Variants in EPHA3 observed in about 807,000 individuals in gnomAD.
EPHA3 encodes ephrin type-A receptor 3.
A neutral mutation model predicts 107.1 loss-of-function variants in EPHA3; 42 were observed. That is an observed-to-expected ratio of 0.39 (90% confidence interval 0.31 to 0.51). The LOEUF (loss-of-function observed/expected upper bound fraction) is 0.51. Ranked by LOEUF, EPHA3 falls within the 20% of genes least tolerant of loss-of-function variation. The probability of loss-of-function intolerance (pLI) is 0.78; values close to 1 mark genes in which losing one functional copy is unlikely to be tolerated. For synonymous variants in EPHA3, 461 were observed against 424.8 expected (o/e 1.09, Z -1.05); for missense variants, 1,183 against 1,211.2 (o/e 0.98, Z 0.35).
chr3:89,140,892 G>C (rs1704417111), intron 2 of EPHA3, among the ~76,000 whole-genome samples: 1 of 151,610 alleles, frequency 6.6e-6, no homozygotes, highest in African/African-American at 2.4e-5. Flanking sequence ...GTTGGCAGTA[G>C]AGATGCAAAC....
At chr3:89,211,188 A>T (rs1168142937) in intron 3 of EPHA3, among the ~76,000 whole-genome samples, 1 of 152,062 alleles carries the variant, frequency 6.6e-6, no homozygotes, top group East Asian at 1.9e-4. Context: ...TGCATATTTG[A>T]TATTAATATA....
At chr3:89,318,265 C>T (rs1220331625) in intron 3 of EPHA3, among the ~76,000 whole-genome samples, 2 of 151,840 alleles carry the variant, frequency 1.3e-5, no homozygotes, top group Admixed American at 1.3e-4. Context: ...ATGCTTTCTG[C>T]AGTGAAAAGA....
chr3:89,360,947 T>C (rs1421245181), intron 5 of EPHA3, among the ~76,000 whole-genome samples: 2 of 150,940 alleles, frequency 1.3e-5, no homozygotes, highest in Non-Finnish European at 3.0e-5. Context: ...TATGAACAGA[T>C]AGGTTTGTTT....
intron 13 of EPHA3, among the ~76,000 whole-genome samples, chr3:89,445,764 A>G (rs748514215): frequency 6.6e-6 from 1 of 152,234 alleles, no homozygotes; most frequent in Non-Finnish European, 1.5e-5. Context: ...CCATACCTAC[A>G]TTTCCAAAGC....
chr3:89,244,132 A>T (rs551507481), intron 3 of EPHA3, among the ~76,000 whole-genome samples: 36 of 152,136 alleles, frequency 2.4e-4, no homozygotes, highest in Non-Finnish European at 1.5e-5. Flanking sequence ...TTTATGTGAC[A>T]TTATTGATAC....
chr3:89,474,896 C>T (rs1032372905), intron 16 of EPHA3, among the ~76,000 whole-genome samples: 2 of 152,122 alleles, frequency 1.3e-5, no homozygotes, highest in Non-Finnish European at 2.9e-5. Context: ...AATATACATT[C>T]AAGATGAAAA....
intron 16 of EPHA3, among the ~76,000 whole-genome samples, chr3:89,477,830 G>GAAA (rs142585809): frequency 6.8e-6 from 1 of 147,692 alleles, no homozygotes. Context: ...CAGAGTACGA[G>GAAA]AAAAAAAAAA....
chr3:89,154,336 T>C (rs1466077210), intron 2 of EPHA3, among the ~76,000 whole-genome samples: 1 of 151,726 alleles, frequency 6.6e-6, no homozygotes, highest in East Asian at 1.9e-4. Context: ...ACTCAATAGA[T>C]ATCTGTTAAA....
chr3:89,249,764 T>G (rs1705118289), intron 3 of EPHA3, among the ~76,000 whole-genome samples: 1 of 152,180 alleles, frequency 6.6e-6, no homozygotes, highest in African/African-American at 2.4e-5. Flanking sequence ...AAACTAAGCA[T>G]TTCTTATAGT....
intron 5 of EPHA3, among the ~76,000 whole-genome samples, chr3:89,378,342 A>G (rs1708440981): frequency 6.6e-6 from 1 of 152,156 alleles, no homozygotes; most frequent in African/African-American, 2.4e-5. Flanking sequence ...AATAATTTTT[A>G]GTTACTTTAT....
chr3:89,250,595 A>C (rs574072502), intron 3 of EPHA3, among the ~76,000 whole-genome samples: 1 of 152,214 alleles, frequency 6.6e-6, no homozygotes, highest in South Asian at 2.1e-4. Context: ...TCTTATCCCC[A>C]CTGCTACCCT....
At chr3:89,453,408 T>C in intron 15 of EPHA3, among the ~76,000 whole-genome samples, 1 of 152,120 alleles carries the variant, frequency 6.6e-6, no homozygotes, top group East Asian at 1.9e-4. Context: ...TTTCCACTCT[T>C]ATTGAAATAT....
rs574604700 is a variant in EPHA3, at chr3:89,241,403, G to A, written c.814+30883G>A. Among the ~76,000 whole-genome samples, 130 of 152,230 alleles carry A rather than the reference G, an allele frequency of 8.5e-4. 2 individuals carry two copies. In the South Asian group the frequency reaches 0.016, roughly 18 times the overall value. ...CATTCAGCTAAAATTTACTATAGTG[G>A]TGGTGATGATTTTCTTATATTTTAG... On this transcript the variant is annotated intron_variant, in intron 3 of 16. Coordinates refer to ENST00000336596, the MANE Select transcript of EPHA3 (RefSeq NM_005233.6).
intron 3 of EPHA3, among the ~76,000 whole-genome samples, chr3:89,329,242 A>T (rs1477674059): frequency 6.6e-6 from 1 of 151,874 alleles, no homozygotes; most frequent in African/African-American, 2.4e-5. Flanking sequence ...CAAACACAAC[A>T]ATTCTCTCTC....
intron 1 of EPHA3, 37 bp downstream of exon 1, chr3:89,107,873 G>A (rs1291681293): frequency 1.3e-6 from 2 of 1,596,212 alleles, no homozygotes; most frequent in African/African-American, 1.3e-5. Flanking sequence ...GCTCTGCCCC[G>A]CGGGGCTCAC....
chr3:89,407,749 C>A lies in EPHA3; in HGVS notation c.1698-318C>A, dbSNP rs111994229. Among the ~76,000 whole-genome samples, 128 of 152,180 alleles carry A rather than the reference C, an allele frequency of 8.4e-4. 1 individual carries two copies. The Middle Eastern group carries it at 0.014, about 16-fold the overall frequency. ...CAGCACTAATCATTACCCATAGAGA[C>A]TTTACCCTTCATTCCTTCTAACAGA... On this transcript the variant is annotated intron_variant, in intron 8 of 16. Coordinates refer to ENST00000336596, the MANE Select transcript of EPHA3 (RefSeq NM_005233.6).
At chr3:89,363,199 GAGAT>G (rs1268729194) in intron 5 of EPHA3, among the ~76,000 whole-genome samples, 1 of 150,848 alleles carries the variant, frequency 6.6e-6, no homozygotes, top group African/African-American at 2.4e-5. Flanking sequence ...CATTGAGAGA[GAGAT>G]AGAGAGGGGG....
chr3:89,453,594 A>C (rs1278363928), intron 15 of EPHA3, among the ~76,000 whole-genome samples: 5 of 152,202 alleles, frequency 3.3e-5, no homozygotes, highest in African/African-American at 1.2e-4. Context: ...TTACCATTAA[A>C]ATGCACGATG....
intron 3 of EPHA3, among the ~76,000 whole-genome samples, chr3:89,329,623 G>A (rs1707245485): frequency 6.6e-6 from 1 of 151,994 alleles, no homozygotes; most frequent in African/African-American, 2.4e-5. Context: ...CAAGTTGAAA[G>A]TAAAGTTTTA....
Sources: allele counts gnomAD v4.1 joint callset (sites outside exome capture counted in the v4.1 genomes callset), GRCh38; gene constraint gnomAD v4.1.1; transcripts MANE v1.5; gene names NCBI Gene and HGNC (gene_info 2026-07-23, HGNC 2026-07-21).